ABCA1: variants seen among roughly 807,000 people sequenced by gnomAD.
ABCA1 encodes the protein ATP binding cassette subfamily A member 1.
Under a neutral mutation model 262.5 loss-of-function variants are expected in ABCA1, and 133 were observed. The observed-to-expected ratio is 0.51, with a 90% CI of 0.44 to 0.59. ABCA1 has a LOEUF of 0.59. Among genes scored for constraint, ABCA1 ranks in the 20% least tolerant of loss-of-function variants. The pLI is 0.00. For synonymous variants in ABCA1, 1,022 were observed against 1,043.5 expected (o/e 0.98, Z 0.40); for missense variants, 2,452 against 2,777.5 (o/e 0.88, Z 2.63).
rs756951539 is a variant in ABCA1 at position 104,806,256 on chromosome 9, C to A, written c.4449G>T (p.Gly1483=). The A allele has an allele frequency of 6.8e-6, 11 of 1,612,942 alleles. No individual in the cohort carries two copies. In the Admixed American group the frequency reaches 1.8e-4, roughly 27 times the overall value. Residue 1483 remains glycine (G), a synonymous_variant, in exon 31 of 50, where the codon GGG becomes GGT. Coordinates refer to ENST00000374736, the MANE Select transcript of ABCA1 (RefSeq NM_005502.4). ...MLPVCPPGAG[G]LPPPQRKQNT... Reference sequence around the variant, plus strand: ...AGTGACTCACTTGTGGAGGAGGCAGCCCCCCTGCCCCTGGGGGACACACAG... The same window carrying A: ...AGTGACTCACTTGTGGAGGAGGCAGACCCCCTGCCCCTGGGGGACACACAG...
At chr9:104,903,189 G>T (rs1231540223) in intron 2 of ABCA1, among the ~76,000 whole-genome samples, 1 of 152,142 alleles carries the variant, frequency 6.6e-6, no homozygotes, top group Non-Finnish European at 1.5e-5. Flanking sequence ...AATCCAGATT[G>T]ACACCAAGAT....
At chr9:104,842,933 C>G (rs1440803450) in intron 8 of ABCA1, among the ~76,000 whole-genome samples, 1 of 152,164 alleles carries the variant, frequency 6.6e-6, no homozygotes, top group African/African-American at 2.4e-5. Flanking sequence ...CCACCACTTG[C>G]TCACTTTCCC....
intron 5 of ABCA1, 103 bp downstream of exon 5, chr9:104,882,936 G>A: frequency 8.6e-7 from 1 of 1,169,292 alleles, no homozygotes; most frequent in Admixed American, 1.7e-5. Flanking sequence ...AACCCCTTGG[G>A]GAAGATCTAA....
chr9:104,809,542 C>T lies in ABCA1; in HGVS notation c.4198G>A (p.Gly1400Arg), dbSNP rs766001148. ...FVSNDAPEDT[G>R]TLELLNALTK... ...AGGGCGTTTAAGAGTTCCAGGGTTC[C>T]CGTGTCCTCAGGAGCATCATTGCTG... The change falls in exon 30 of 50, where the codon GGA (glycine) becomes AGA (arginine). Residue 1400 changes from glycine (G) to arginine (R), a missense_variant. Gly to Arg is a moderately radical substitution (Grantham distance 125). Transcript: ENST00000374736. 3 of 1,614,162 alleles carry T rather than the reference C, an allele frequency of 1.9e-6. No individual in the cohort carries two copies. Among genetic ancestry groups the T allele is most frequent in the South Asian group, 1.1e-5 (1 of 91,076 alleles).
chr9:104,832,677 T>G lies in ABCA1; in HGVS notation c.1406A>C (p.Lys469Thr), dbSNP rs758464203. The G allele has an allele frequency of 2.5e-6, 4 of 1,614,228 alleles. No homozygotes were observed. Among genetic ancestry groups the G allele is most frequent in the African/African-American group, 1.3e-5 (1 of 75,056 alleles). ...ACTGGACTGGACATCCTCTGGGTGC[T>G]TGGCCAAAAACGCCACGATGTCTTG... is the stretch of plus-strand genomic sequence containing the variant. ...TAQDIVAFLA[K>T]HPEDVQSSNG... is the part of the protein sequence containing the mutation. Residue 469 changes from lysine (K) to threonine (T), a missense_variant, in exon 12 of 50, where the codon AAG (lysine) becomes ACG (threonine). Coordinates refer to ENST00000374736, the MANE Select transcript of ABCA1 (RefSeq NM_005502.4).
intron 5 of ABCA1, among the ~76,000 whole-genome samples, chr9:104,876,513 G>C (rs1215087495): frequency 6.6e-6 from 1 of 152,222 alleles, no homozygotes; most frequent in Non-Finnish European, 1.5e-5. Flanking sequence ...GAATATGGGA[G>C]AGGAGCAGGC....
chr9:104,926,954 A>G (rs1190492378), intron 1 of ABCA1, among the ~76,000 whole-genome samples: 1 of 151,934 alleles, frequency 6.6e-6, no homozygotes, highest in Non-Finnish European at 1.5e-5. Context: ...GCTCACGCCT[A>G]TAATCCCAGC....
intron 40 of ABCA1, 140 bp downstream of exon 40, chr9:104,794,247 G>A (rs1455101834): frequency 2.3e-6 from 3 of 1,289,138 alleles, no homozygotes; most frequent in Non-Finnish European, 3.3e-6. Context: ...GTGTTGGCAT[G>A]AGCCCTGTCA....
At chr9:104,854,680 C>T (rs1246736485) in intron 7 of ABCA1, among the ~76,000 whole-genome samples, 1 of 152,182 alleles carries the variant, frequency 6.6e-6, no homozygotes, top group Non-Finnish European at 1.5e-5. Context: ...GCAAAATACA[C>T]CTTGCTGAGC....
chr9:104,849,109 A>T (rs1835153712), intron 7 of ABCA1, among the ~76,000 whole-genome samples: 1 of 152,200 alleles, frequency 6.6e-6, no homozygotes, highest in Non-Finnish European at 1.5e-5. Flanking sequence ...TTTTTCCAAC[A>T]TCTTTAGGAC....
At chr9:104,796,804 C>T (rs1829935733) in intron 37 of ABCA1, among the ~76,000 whole-genome samples, 1 of 152,124 alleles carries the variant, frequency 6.6e-6, no homozygotes. Flanking sequence ...TATAGTCTGC[C>T]CAAGTTCAAT....
chr9:104,804,749 G>A (rs1345381805), intron 31 of ABCA1, 29 bp from the exon 32 acceptor site: 1 of 1,556,042 alleles, frequency 6.4e-7, no homozygotes, highest in South Asian at 1.1e-5. Context: ...CAAGCATACG[G>A]GTCTTTATAG....
intron 14 of ABCA1, among the ~76,000 whole-genome samples, chr9:104,830,019 T>C (rs1200647942): frequency 6.6e-6 from 1 of 151,180 alleles, no homozygotes; most frequent in Non-Finnish European, 1.5e-5. Flanking sequence ...AATAAGAGAA[T>C]TTCCAGAATC....
intron 6 of ABCA1, among the ~76,000 whole-genome samples, chr9:104,859,226 G>C (rs1031469086): frequency 6.6e-6 from 1 of 152,168 alleles, no homozygotes; most frequent in Non-Finnish European, 1.5e-5. Flanking sequence ...ACTTGCCCTA[G>C]AGCAGAGTGC....
Position 104,786,374 on chromosome 9 carries a change from C to T in ABCA1, c.6325G>A (p.Ala2109Thr). Residue 2109 changes from alanine (A) to threonine (T), a missense_variant, in exon 48 of 50, where the codon GCT (alanine) becomes ACT (threonine). Transcript: ENST00000374736. ...ATGATTGCCATCCTAGTGCAAAGAG[C>T]TTCACATTCTTCCATACTGCGGTAA... is the stretch of plus-strand genomic sequence containing the variant. ...LTSHSMEECE[A>T]LCTRMAIMVN... is the part of the protein sequence containing the mutation. 1 of 1,614,120 alleles carries T rather than the reference C, an allele frequency of 6.2e-7. No individual in the cohort carries two copies. The highest frequency in any genetic ancestry group is 1.1e-5 in the South Asian group (1 of 91,086).
intron 2 of ABCA1, among the ~76,000 whole-genome samples, chr9:104,891,854 A>G (rs1262624638): frequency 6.6e-6 from 1 of 151,038 alleles, no homozygotes; most frequent in Non-Finnish European, 1.5e-5. Flanking sequence ...ACTCCCAGCT[A>G]CTTGGGAGGC....
intron 5 of ABCA1, among the ~76,000 whole-genome samples, chr9:104,881,147 TA>T (rs1554740031): frequency 6.6e-6 from 1 of 151,960 alleles, no homozygotes; most frequent in Non-Finnish European, 1.5e-5. Flanking sequence ...GGCTCTGTCT[TA>T]AAAGAAAAGA....
intron 21 of ABCA1, 63 bp downstream of exon 21, chr9:104,819,864 C>A (rs1670547516): frequency 1.2e-5 from 20 of 1,608,880 alleles, no homozygotes; most frequent in Admixed American, 3.3e-5. Flanking sequence ...GCTGATTTTC[C>A]TCCGCATGTG....
At chr9:104,897,832 G>A (rs1840345314) in intron 2 of ABCA1, among the ~76,000 whole-genome samples, 1 of 152,088 alleles carries the variant, frequency 6.6e-6, no homozygotes, top group South Asian at 2.1e-4. Flanking sequence ...CAAATTCCTG[G>A]CCTCAAGTGA....
Sources: allele counts gnomAD v4.1 joint callset (sites outside exome capture counted in the v4.1 genomes callset), GRCh38; gene constraint gnomAD v4.1.1; transcripts MANE v1.5; gene names NCBI Gene and HGNC (gene_info 2026-07-23, HGNC 2026-07-21).